RASAL3: variants seen among roughly 807,000 people sequenced by gnomAD.
The protein encoded by RASAL3 is RAS protein activator like-3.
A neutral mutation model predicts 105.5 loss-of-function variants in RASAL3; 74 were observed. The ratio of observed to expected loss-of-function variants is 0.70; its 90% CI spans 0.58 to 0.85. The LOEUF is 0.85. RASAL3 is among the 40% of genes least tolerant of loss of function. The pLI is 0.00. For missense variants in RASAL3, 1,352 were observed against 1,392.0 expected, an observed-to-expected ratio of 0.97 and a Z score of 0.46; for synonymous variants, 579 against 591.6, an observed-to-expected ratio of 0.98 and a Z score of 0.31.
rs894200868 is a variant in RASAL3 at position 15,458,000 on chromosome 19, G to A, written c.889-166C>T. ...GCCACGGGAGTCCGGAGGCGGTTAC[G>A]CGGAAGTCTTCTAGCTTTTCTGGGC... On this transcript the variant is annotated intron_variant, in intron 8 of 17. Coordinates refer to ENST00000343625, the MANE Select transcript of RASAL3 (RefSeq NM_022904.3). The surrounding 1 kb of genome is among the most constrained non-coding windows in gnomAD (Gnocchi z 8.6). The A allele has an allele frequency of 5.7e-5, 45 of 788,726 alleles. 1 individual carries two copies. The Admixed American group carries it at 1.3e-3, about 22-fold the overall frequency. 48.9% of individuals were successfully genotyped at this position (788,726 alleles called of 1,614,324 possible).
In RASAL3 at chr19:15,458,550, C is replaced by A. The variant is rs776198356; in HGVS notation, c.768G>T (p.Leu256=). ...VRIWPLHPSL[L]GEPHCFQVTW... ...TTACCTGAAAGCAGTGGGGCTCCCCCAGGAGGCTGGGGTGCAGTGGCCAGA... is the reference window on the plus strand; with the variant it reads ...TTACCTGAAAGCAGTGGGGCTCCCCAAGGAGGCTGGGGTGCAGTGGCCAGA... Residue 256 remains leucine, a synonymous_variant, in exon 7 of 18, where the codon CTG becomes CTT. Coordinates refer to ENST00000343625, the MANE Select transcript of RASAL3 (RefSeq NM_022904.3). 3 of 1,613,780 alleles carry A rather than the reference C, an allele frequency of 1.9e-6. No homozygotes were observed. Among genetic ancestry groups the A allele is most frequent in the Non-Finnish European group, 2.5e-6 (3 of 1,179,812 alleles).
intron 2 of RASAL3, 133 bp downstream of exon 2, chr19:15,463,898 C>T: frequency 1.2e-6 from 1 of 816,968 alleles, no homozygotes; most frequent in Non-Finnish European, 1.9e-6. Flanking sequence ...AGCTGGGCCC[C>T]AGCGGCTTCC....
At position 15,453,068 on chromosome 19, in the gene RASAL3, G is replaced by T; in HGVS notation, c.2670+39C>A. 1 of 1,611,628 alleles carries T rather than the reference G, an allele frequency of 6.2e-7. No homozygotes were observed. The highest frequency in any genetic ancestry group is 8.5e-7 in the Non-Finnish European group (1 of 1,179,420). ...TTCAGTCTTCCCCAGTCGCGTCCCT[G>T]TTCCCACTCCCCAGGCGCGGACCTG... On this transcript the variant is annotated intron_variant, in intron 15 of 17. Transcript: ENST00000343625. This position sits in a 1 kb window ranked among gnomAD's most constrained non-coding sequence, Gnocchi z 4.2.
chr19:15,461,520 C>T lies in RASAL3; in HGVS notation c.416G>A (p.Gly139Asp). 1 of 1,543,182 alleles carries T rather than the reference C, an allele frequency of 6.5e-7. No individual in the cohort carries two copies. The highest frequency in any genetic ancestry group is 8.7e-7 in the Non-Finnish European group (1 of 1,144,984). Residue 139 changes from glycine to aspartate, a missense_variant, in exon 3 of 18, where the codon GGC (glycine) becomes GAC (aspartate). Transcript: ENST00000343625. ...CAGCTTCCCATCAAGCAGGGTGAAGCCCCCAATGTCCCAGACAGGCACGTT... is the reference window on the plus strand; with the variant it reads ...CAGCTTCCCATCAAGCAGGGTGAAGTCCCCAATGTCCCAGACAGGCACGTT... ...TPNVPVWDIG[G>D]FTLLDGKLVL... is the part of the protein sequence containing the mutation.
In RASAL3 at chr19:15,457,884, C is replaced by T; in HGVS notation, c.889-50G>A. 6.5e-7 allele frequency: 1 copy of T among 1,537,894 alleles called. No homozygotes were observed. On this transcript the variant is annotated intron_variant, in intron 8 of 17. Transcript: ENST00000343625. The surrounding 1 kb of genome is among the most constrained non-coding windows in gnomAD (Gnocchi z 8.6). ...GAAGCGTTTTGGTTTGTTGGCACCC[C>T]AAAGAAGGCACCGCAAGTGAAGCGT...
At chr19:15,458,161 G>A (rs1052122158) in intron 8 of RASAL3, 167 bp downstream of exon 8, 4 of 679,684 alleles carry the variant, frequency 5.9e-6, no homozygotes, top group African/African-American at 5.4e-5. Context: ...ATATTCCCGG[G>A]GCTGGTAATA....
At position 15,462,918 on chromosome 19, in the gene RASAL3, T is replaced by C. The variant is rs562872621; in HGVS notation, c.328+1113A>G. ...GTGAGCCGAGATCGCGCCACTGCAC[T>C]CCAGCCTGGGCAACAGAGCGAGACT... is the stretch of plus-strand genomic sequence containing the variant. On this transcript the variant is annotated intron_variant, in intron 2 of 17. Transcript: ENST00000343625. Among the ~76,000 whole-genome samples the C allele has an allele frequency of 6.6e-5, 10 of 150,914 alleles. No individual in the cohort carries two copies. The East Asian group carries it at 2.0e-3, about 30-fold the overall frequency.
At chr19:15,462,095 G>A (rs1343806715) in intron 2 of RASAL3, among the ~76,000 whole-genome samples, 1 of 152,182 alleles carries the variant, frequency 6.6e-6, no homozygotes, top group Non-Finnish European at 1.5e-5. Context: ...GCTCATGCCT[G>A]TAATCCCAAC....
At chr19:15,463,948 A>G (rs1161849988) in intron 2 of RASAL3, 83 bp downstream of exon 2, 12 of 1,260,768 alleles carry the variant, frequency 9.5e-6, no homozygotes, top group South Asian at 1.6e-5. Context: ...CTGTGTCTGT[A>G]TGGTTGATGC....
rs2145475831 is a variant in RASAL3 at position 15,458,354 on chromosome 19, G to T, written c.862C>A (p.Leu288Ile). The T allele has an allele frequency of 6.2e-7, 1 of 1,613,898 alleles. No individual in the cohort carries two copies. Among genetic ancestry groups the T allele is most frequent in the East Asian group, 2.2e-5 (1 of 44,874 alleles). Residue 288 changes from leucine (L) to isoleucine (I), a missense_variant, in exon 8 of 18, where the codon CTT becomes ATT. By Grantham distance (5) the Leu-to-Ile change is conservative (BLOSUM62 2). Transcript: ENST00000343625. Reference sequence around the variant, plus strand: ...TGGGTGGGCTGGAATTGGCGACGAAGGTCCTCGATCCAGCGGTCTCTCTCA... The same window carrying T: ...TGGGTGGGCTGGAATTGGCGACGAATGTCCTCGATCCAGCGGTCTCTCTCA... ...AAERDRWIED[L>I]RRQFQPTQDN...
At chr19:15,452,164 C>T in intron 16 of RASAL3, 56 bp from the exon 17 acceptor site, 1 of 1,587,406 alleles carries the variant, frequency 6.3e-7, no homozygotes, top group Non-Finnish European at 8.6e-7. Context: ...TCCCTTCCAG[C>T]TCCTGGTGGG....
chr19:15,454,019 A>C, intron 14 of RASAL3, 130 bp downstream of exon 14: 1 of 687,460 alleles, frequency 1.5e-6, no homozygotes, highest in South Asian at 1.8e-5. Context: ...CCCTTTCTAT[A>C]ACCTGTGATT....
rs529231170 is a variant in RASAL3 at position 15,454,983 on chromosome 19, A to G, written c.1722-90T>C. On this transcript the variant is annotated intron_variant, in intron 11 of 17. Coordinates refer to ENST00000343625, the MANE Select transcript of RASAL3 (RefSeq NM_022904.3). The stretch of plus-strand genomic sequence containing the variant: ...AGGTTGGGAGTCCCAGAAGCACTGC[A>G]TGATTGGTCCATGATCCTCCAGAGA... 4 of 959,412 alleles carry G rather than the reference A, an allele frequency of 4.2e-6. 1 individual carries two copies. Among genetic ancestry groups the G allele is most frequent in the South Asian group, 3.3e-5 (2 of 60,622 alleles). The allele number at this position is 959,412 out of a possible 1,614,324, so 59.4% of individuals were successfully genotyped here. A position where few individuals can be genotyped will look rare whatever the true frequency, so the allele number is the denominator to read the frequency against.
At position 15,461,099 on chromosome 19, in the gene RASAL3, TTC is replaced by T. The variant is rs1970493383; in HGVS notation, c.565_566del (p.Glu189ThrfsTer40). 1 of 1,613,864 alleles carries T rather than the reference TTC, an allele frequency of 6.2e-7. No homozygotes were observed. The highest frequency in any genetic ancestry group is 8.5e-7 in the Non-Finnish European group (1 of 1,179,852). Reference sequence around the variant, plus strand: ...CCTGGTTGGGACCAGCAGTCTCCGGTTCTGTTTTTCCAGGCATCCGATCTGTG... The same window carrying T: ...CCTGGTTGGGACCAGCAGTCTCCGGTTGTTTTTCCAGGCATCCGATCTGTG... ...RDPDRMPGKT[E>X]PETAGPNQVH... On this transcript the variant is annotated frameshift_variant, in exon 5 of 18. Transcript: ENST00000343625. LOFTEE classifies it high-confidence loss of function.
At chr19:15,461,360 C>A in intron 3 of RASAL3, 64 bp from the exon 4 acceptor site, 1 of 1,553,536 alleles carries the variant, frequency 6.4e-7, no homozygotes, top group Non-Finnish European at 8.8e-7. Flanking sequence ...GCAGGCAGAC[C>A]GAGGGAGAGG....
At position 15,456,899 on chromosome 19, in the gene RASAL3, C is replaced by G; in HGVS notation, c.1432-253G>C. 5 of 563,082 alleles carry G rather than the reference C, an allele frequency of 8.9e-6. No homozygotes were observed. Among genetic ancestry groups the G allele is most frequent in the Non-Finnish European group, 1.6e-5 (5 of 315,898 alleles). The allele number at this position is 563,082 out of a possible 1,614,324, so 34.9% of individuals were successfully genotyped here. On this transcript the variant is annotated intron_variant, in intron 9 of 17. Transcript: ENST00000343625. This position sits in a 1 kb window ranked among gnomAD's most constrained non-coding sequence, Gnocchi z 4.4. ...CGTGATGCTCAGGCCCCTGTCGCAG[C>G]TGAAGCTTAGGCTCCGCTCTTCAAG...
chr19:15,452,165 T>A lies in RASAL3; in HGVS notation c.2829-57A>T. On this transcript the variant is annotated intron_variant, in intron 16 of 17. Coordinates refer to ENST00000343625, the MANE Select transcript of RASAL3 (RefSeq NM_022904.3). ...AGAGGCTAAGGAAGTCCCTTCCAGC[T>A]CCTGGTGGGAGTGCCAGGGACTCCG... 2.5e-6 allele frequency: 4 copies of A among 1,583,818 alleles called. No individual in the cohort carries two copies. The Admixed American group carries it at 5.0e-5, about 20-fold the overall frequency.
At position 15,460,293 on chromosome 19, in the gene RASAL3, T is replaced by C. The variant is rs757494457; in HGVS notation, c.607-35A>G. 37 of 1,586,088 alleles carry C rather than the reference T, an allele frequency of 2.3e-5. 2 individuals carry two copies. In the South Asian group the frequency reaches 3.6e-4, roughly 15 times the overall value. ...AGGGAATGTCAGCTGGACAGAAATCTGTGCTCCTTCCTCAGCTCCTTCCCT... is the reference window on the plus strand; with the variant it reads ...AGGGAATGTCAGCTGGACAGAAATCCGTGCTCCTTCCTCAGCTCCTTCCCT... On this transcript the variant is annotated intron_variant, in intron 5 of 17. Transcript: ENST00000343625.
chr19:15,463,937 C>T lies in RASAL3; in HGVS notation c.328+94G>A, dbSNP rs562965286. The T allele has an allele frequency of 3.5e-4, 425 of 1,203,100 alleles. 1 individual carries two copies. Among genetic ancestry groups the T allele is most frequent in the Non-Finnish European group, 4.7e-4 (412 of 883,124 alleles). 74.5% of individuals were successfully genotyped at this position (1,203,100 alleles called of 1,614,324 possible). A position where few individuals can be genotyped will look rare whatever the true frequency, so the allele number is the denominator to read the frequency against. On this transcript the variant is annotated intron_variant, in intron 2 of 17. Coordinates refer to ENST00000343625, the MANE Select transcript of RASAL3 (RefSeq NM_022904.3). ...TGGGCTTTTGCACTCCCCACAACTT[C>T]CTGTGTCTGTATGGTTGATGCTCCG...
Sources: gnomAD v4.1 joint callset for allele counts (sites outside exome capture counted in the v4.1 genomes callset) on GRCh38, gnomAD v4.1.1 for gene constraint, Gnocchi (gnomAD v3.1) non-coding constraint, MANE v1.5 for transcripts, NCBI Gene and HGNC (gene_info 2026-07-23, HGNC 2026-07-21) for gene names.